UAP1: variants seen among roughly 807,000 people sequenced by gnomAD.
UAP1 encodes the protein UDP-N-acetylglucosamine pyrophosphorylase 1, also known as UDP-N-acetylhexosamine pyrophosphorylase.
In UAP1, 25 loss-of-function variants were observed where a neutral mutation model predicts 58.5. That is an observed-to-expected ratio of 0.43 (90% CI 0.31 to 0.60). UAP1 has a LOEUF of 0.60. UAP1 is among the 20% of genes least tolerant of loss of function. The pLI, the probability that UAP1 is intolerant of heterozygous loss-of-function variation, is 0.11. For missense variants in UAP1, 575 were observed against 630.0 expected (o/e 0.91, Z 0.93); for synonymous variants, 208 against 213.0 (o/e 0.98, Z 0.21).
At chr1:162,595,821 A>G (rs554257277) in intron 9 of UAP1, among the ~76,000 whole-genome samples, 4 of 152,272 alleles carry the variant, frequency 2.6e-5, no homozygotes, top group South Asian at 2.1e-4. Flanking sequence ...GTGACTTAGC[A>G]GGTGTCTAAT....
chr1:162,590,487 G>A (rs1266774736), exon 8 of UAP1: 3 of 1,598,830 alleles, frequency 1.9e-6, no homozygotes, highest in Middle Eastern at 1.7e-4. Flanking sequence ...GATGAAAATG[G>A]CTCTCGCCTT....
intron 6 of UAP1, 145 bp from the exon 7 acceptor site, chr1:162,588,548 A>G (rs552040280): frequency 1.3e-6 from 1 of 751,548 alleles, no homozygotes; most frequent in Non-Finnish European, 2.1e-6. Flanking sequence ...TTCATTTACT[A>G]TTTAAATATG....
chr1:162,568,693 C>T (rs1331358379), intron 2 of UAP1, among the ~76,000 whole-genome samples: 1 of 152,184 alleles, frequency 6.6e-6, no homozygotes, highest in Non-Finnish European at 1.5e-5. Flanking sequence ...TCCTTCCCTT[C>T]TTCCCTGGGT....
intron 7 of UAP1, among the ~76,000 whole-genome samples, chr1:162,589,148 AAT>A (rs1191840549): frequency 8.3e-4 from 81 of 98,150 alleles, no homozygotes; most frequent in African/African-American, 2.5e-3. Flanking sequence ...ATATTTATAT[AAT>A]ATATATTATA....
At chr1:162,579,891 G>A (rs1444725429) in intron 4 of UAP1, among the ~76,000 whole-genome samples, 1 of 152,134 alleles carries the variant, frequency 6.6e-6, no homozygotes, top group African/African-American at 2.4e-5. Context: ...TTGAGACAGA[G>A]TCTCACTCTG....
At chr1:162,576,559 ATT>A (rs2101767465) in intron 2 of UAP1, among the ~76,000 whole-genome samples, 1 of 152,182 alleles carries the variant, frequency 6.6e-6, no homozygotes, top group African/African-American at 2.4e-5. Context: ...CTATCTTGTT[ATT>A]TCAGTCCCAT....
intron 2 of UAP1, among the ~76,000 whole-genome samples, chr1:162,567,041 C>G (rs1239157245): frequency 6.6e-6 from 1 of 152,168 alleles, no homozygotes; most frequent in Admixed American, 6.5e-5. Flanking sequence ...CATGCCTTCC[C>G]TGCTTTTGCT....
intron 4 of UAP1, among the ~76,000 whole-genome samples, chr1:162,579,812 G>A (rs1654471706): frequency 6.6e-6 from 1 of 152,112 alleles, no homozygotes; most frequent in African/African-American, 2.4e-5. Context: ...GCTCTATGGA[G>A]CAATTTGAGG....
chr1:162,576,307 G>A (rs953050944), intron 2 of UAP1, among the ~76,000 whole-genome samples: 1 of 150,986 alleles, frequency 6.6e-6, no homozygotes, highest in Middle Eastern at 3.4e-3. Flanking sequence ...TCTTTTTTTT[G>A]ACTTGCCACA....
chr1:162,592,916 C>T, intron 9 of UAP1, 134 bp downstream of exon 9: 1 of 717,526 alleles, frequency 1.4e-6, no homozygotes, highest in Non-Finnish European at 2.4e-6. Flanking sequence ...TGTGGGTGCA[C>T]TGCTTACTTG....
chr1:162,598,894 T>C (rs1447056679), intron 10 of UAP1, among the ~76,000 whole-genome samples: 1 of 151,956 alleles, frequency 6.6e-6, no homozygotes, highest in Non-Finnish European at 1.5e-5. Flanking sequence ...CAGGCGCCTG[T>C]AGTTCCACCT....
At chr1:162,578,363 A>G (rs1205116603) in intron 3 of UAP1, among the ~76,000 whole-genome samples, 18 of 152,172 alleles carry the variant, frequency 1.2e-4, no homozygotes, top group Admixed American at 6.5e-5. Context: ...CTGTCTCTGG[A>G]CTTACAATCT....
chr1:162,590,224 A>C, intron 7 of UAP1, 99 bp from the exon 8 acceptor site: 1 of 879,362 alleles, frequency 1.1e-6, no homozygotes, highest in Non-Finnish European at 1.7e-6. Flanking sequence ...TTGGAATAGG[A>C]AAGCCTATTG....
At chr1:162,577,556 C>A (rs1654280351) in intron 3 of UAP1, among the ~76,000 whole-genome samples, 1 of 149,286 alleles carries the variant, frequency 6.7e-6, no homozygotes, top group African/African-American at 2.5e-5. Flanking sequence ...TCAAGCCATC[C>A]TCCTACCTCA....
intron 7 of UAP1, among the ~76,000 whole-genome samples, chr1:162,589,034 A>G (rs1019711832): frequency 7.3e-5 from 10 of 137,454 alleles, no homozygotes; most frequent in African/African-American, 1.4e-4. Flanking sequence ...TATGAGTACA[A>G]CTTTTTTTTT....
At chr1:162,575,754 G>A (rs890663693) in intron 2 of UAP1, among the ~76,000 whole-genome samples, 1 of 151,454 alleles carries the variant, frequency 6.6e-6, no homozygotes, top group Non-Finnish European at 1.5e-5. Context: ...AGGCTGGAGT[G>A]CAGTGGCGCG....
intron 1 of UAP1, among the ~76,000 whole-genome samples, chr1:162,562,170 C>T (rs1441071566): frequency 1.3e-5 from 2 of 151,398 alleles, no homozygotes; most frequent in East Asian, 3.9e-4. Context: ...CCCGGGTGGG[C>T]AGTAGAGACC....
At chr1:162,593,582 C>G (rs4657208) in intron 9 of UAP1, 65,958 of 151,738 alleles carry the variant, frequency 0.43, 15,946 homozygotes, top group Non-Finnish European at 0.54. Context: ...AACCTCATCT[C>G]TACTAAAAAT....
At chr1:162,573,214 T>C (rs1304217980) in intron 2 of UAP1, among the ~76,000 whole-genome samples, 1 of 152,130 alleles carries the variant, frequency 6.6e-6, no homozygotes, top group South Asian at 2.1e-4. Context: ...TTTTGGAGAA[T>C]GTTGGCTCTT....
Sources: gnomAD v4.1 joint callset for allele counts (sites outside exome capture counted in the v4.1 genomes callset) on GRCh38, gnomAD v4.1.1 for gene constraint, MANE v1.5 for transcripts, NCBI Gene and HGNC (gene_info 2026-07-23, HGNC 2026-07-21) for gene names.